ANK3: variants seen among roughly 807,000 people sequenced by gnomAD.
ANK3 encodes ankyrin 3.
ANK3 carries 57 observed loss-of-function variants against 370.9 expected under a neutral mutation model. That is an observed-to-expected ratio of 0.15 (90% confidence interval 0.12 to 0.19). The LOEUF (loss-of-function observed/expected upper bound fraction) is 0.19, where lower values mean the gene tolerates loss of function less well. ANK3 is among the 10% of genes least tolerant of loss of function. The pLI is 1.00. For synonymous variants in ANK3, 1,929 were observed against 1,946.3 expected (o/e 0.99, Z 0.23); for missense variants, 4,439 against 5,302.1 (o/e 0.84, Z 5.06).
intron 28 of ANK3, among the ~76,000 whole-genome samples, chr10:60,092,148 G>A (rs7068643): frequency 0.99 from 151,222 of 152,302 alleles, 75,082 homozygotes; most frequent in Middle Eastern, 1. Flanking sequence ...GTAGGGAACA[G>A]GGAGTATTAC....
intron 42 of ANK3, among the ~76,000 whole-genome samples, chr10:60,046,560 A>G (rs1024644714): frequency 1.3e-5 from 2 of 152,150 alleles, no homozygotes; most frequent in African/African-American, 4.8e-5. Context: ...GTATTCATTG[A>G]CTTAGATTCA....
chr10:60,159,472 G>C (rs1163324908), intron 23 of ANK3, among the ~76,000 whole-genome samples: 1 of 151,974 alleles, frequency 6.6e-6, no homozygotes, highest in African/African-American at 2.4e-5. Context: ...ACAATAGGTG[G>C]GGACATTAAC....
At chr10:60,049,763 TTGC>T (rs947517589) in intron 42 of ANK3, among the ~76,000 whole-genome samples, 5 of 152,226 alleles carry the variant, frequency 3.3e-5, no homozygotes, top group African/African-American at 1.2e-4. Context: ...AATAGCTAAC[TTGC>T]TGGTGCATAT....
At chr10:60,426,760 C>G (rs1413427767) in intron 2 of ANK3, among the ~76,000 whole-genome samples, 1 of 152,062 alleles carries the variant, frequency 6.6e-6, no homozygotes, top group Non-Finnish European at 1.5e-5. Context: ...TTTAGCAAAG[C>G]AAAAATCAGC....
intron 12 of ANK3, among the ~76,000 whole-genome samples, chr10:60,201,864 AC>A (rs2096682314): frequency 6.6e-6 from 1 of 151,862 alleles, no homozygotes; most frequent in African/African-American, 2.4e-5. Flanking sequence ...TGCATGCACC[AC>A]CACGCCCAGC....
Position 60,029,609 on chromosome 10 carries a change from G to A in ANK3, c.*237C>T, listed in dbSNP as rs773863034. 6.6e-6 allele frequency: 1 copy of A among 152,516 alleles called. No homozygotes were observed. Among genetic ancestry groups the A allele is most frequent in the Non-Finnish European group, 1.5e-5 (1 of 68,020 alleles). The allele number at this position is 152,516 out of a possible 1,614,324, so 9.4% of individuals were successfully genotyped here. A position where few individuals can be genotyped will look rare whatever the true frequency, so the allele number is the denominator to read the frequency against. On this transcript the variant is annotated 3_prime_UTR_variant, in exon 44 of 44. Transcript: ENST00000280772. Reference sequence around the variant, plus strand: ...ATACACTGCATTGCTAATTGCACACGCGCCAATCCGGAAATGAAAGTGATT... The same window carrying A: ...ATACACTGCATTGCTAATTGCACACACGCCAATCCGGAAATGAAAGTGATT...
chr10:60,387,980 T>C (rs1165947752), intron 1 of ANK3, among the ~76,000 whole-genome samples: 2 of 152,120 alleles, frequency 1.3e-5, no homozygotes, highest in Non-Finnish European at 2.9e-5. Context: ...TAGAAGCTAG[T>C]TTATCACGGT....
At chr10:60,195,791 T>C (rs571945919) in intron 16 of ANK3, among the ~76,000 whole-genome samples, 1 of 152,164 alleles carries the variant, frequency 6.6e-6, no homozygotes, top group South Asian at 2.1e-4. Context: ...AAGGCAATTA[T>C]GTGGCCAGAA....
At chr10:60,313,805 T>A (rs2046843731) in intron 1 of ANK3, among the ~76,000 whole-genome samples, 1 of 152,184 alleles carries the variant, frequency 6.6e-6, no homozygotes, top group Admixed American at 6.5e-5. Flanking sequence ...TCACCTCTAA[T>A]TGATGACAAT....
At chr10:60,564,209 T>A (rs759563987) in intron 2 of ANK3, among the ~76,000 whole-genome samples, 2 of 152,168 alleles carry the variant, frequency 1.3e-5, no homozygotes, top group Admixed American at 6.5e-5. Flanking sequence ...AAACATTTTT[T>A]AAAAAATTTA....
intron 1 of ANK3, among the ~76,000 whole-genome samples, chr10:60,669,231 G>T (rs972964255): frequency 3.3e-5 from 5 of 152,150 alleles, no homozygotes; most frequent in African/African-American, 1.2e-4. Flanking sequence ...AATCACATTC[G>T]CTTCTGACAA....
At chr10:60,042,298 AT>A (rs2076234997) in intron 43 of ANK3, among the ~76,000 whole-genome samples, 1 of 152,226 alleles carries the variant, frequency 6.6e-6, no homozygotes, top group African/African-American at 2.4e-5. Flanking sequence ...GTCTGGATCA[AT>A]AAAACTCTGA....
intron 23 of ANK3, among the ~76,000 whole-genome samples, chr10:60,146,628 A>T (rs542136179): frequency 7.4e-4 from 112 of 152,260 alleles, no homozygotes; most frequent in African/African-American, 2.6e-3. Flanking sequence ...AGTTGGGATT[A>T]CAGGCACCCG....
intron 2 of ANK3, among the ~76,000 whole-genome samples, chr10:60,496,306 G>A (rs774952756): frequency 1.6e-4 from 25 of 152,156 alleles, no homozygotes; most frequent in Admixed American, 9.2e-4. Context: ...AGACTTTCCC[G>A]TGTATTAAAC....
chr10:60,383,126 G>A (rs547215652), intron 1 of ANK3, among the ~76,000 whole-genome samples: 1 of 152,130 alleles, frequency 6.6e-6, no homozygotes, highest in Middle Eastern at 3.4e-3. Flanking sequence ...TTGGTTCCAA[G>A]ACCAGGTATT....
At chr10:60,503,618 T>A (rs888061931) in intron 2 of ANK3, among the ~76,000 whole-genome samples, 3 of 152,180 alleles carry the variant, frequency 2.0e-5, no homozygotes, top group Non-Finnish European at 4.4e-5. Context: ...TTACTCCTCA[T>A]CCACTCTTCC....
At chr10:60,705,808 G>GT (rs34858011) in intron 1 of ANK3, among the ~76,000 whole-genome samples, 43,851 of 133,170 alleles carry the variant, frequency 0.33, 7,358 homozygotes, top group African/African-American at 0.44. Context: ...TCTACTAGAG[G>GT]TTTTTTTTTT....
chr10:60,569,046 T>G (rs533616237), intron 2 of ANK3, among the ~76,000 whole-genome samples: 2 of 115,862 alleles, frequency 1.7e-5, no homozygotes, highest in South Asian at 5.7e-4. Context: ...CCACCTAGTC[T>G]ATTGTATTTT....
At chr10:60,142,979 T>TA (rs1480611514) in intron 23 of ANK3, among the ~76,000 whole-genome samples, 1 of 152,152 alleles carries the variant, frequency 6.6e-6, no homozygotes, top group Non-Finnish European at 1.5e-5. Flanking sequence ...TAAGTCTGCC[T>TA]CTACCCTCAA....
Sources: gnomAD v4.1 joint callset for allele counts (sites outside exome capture counted in the v4.1 genomes callset) on GRCh38, gnomAD v4.1.1 for gene constraint, MANE v1.5 for transcripts, NCBI Gene and HGNC (gene_info 2026-07-23, HGNC 2026-07-21) for gene names.